Variants in GADL1 observed in about 807,000 individuals in gnomAD.
The protein encoded by GADL1 is GAD like acidic amino acid decarboxylase 1.
GADL1 carries 71 observed loss-of-function variants against 69.5 expected under a neutral mutation model. That is an observed-to-expected ratio of 1.02 (90% CI 0.84 to 1.25). The LOEUF is 1.25. Ranked by LOEUF, GADL1 falls within the 50% of genes most tolerant of loss-of-function variation. The probability of loss-of-function intolerance (pLI) is 0.00; values close to 1 mark genes in which losing one functional copy is unlikely to be tolerated. For synonymous variants in GADL1, 254 were observed against 214.4 expected (o/e 1.18, Z -1.62); for missense variants, 737 against 631.8 (o/e 1.17, Z -1.79).
Position 30,727,297 on chromosome 3 carries a change from C to T in GADL1, c.*945G>A, listed in dbSNP as rs911214034. ...CAAGAAAAAACTAATATGGATATTA[C>T]ATGCATTTCTATTTTGAAGACCAAC... On this transcript the variant is annotated 3_prime_UTR_variant, in exon 15 of 15. Transcript: ENST00000282538. The T allele has an allele frequency of 4.6e-5, 7 of 150,578 alleles. No homozygotes were observed. The highest frequency in any genetic ancestry group is 1.5e-4 in the African/African-American group (6 of 41,114). The allele number at this position is 150,578 out of a possible 1,614,324, so 9.3% of individuals were successfully genotyped here. A position where few individuals can be genotyped will look rare whatever the true frequency, so the allele number is the denominator to read the frequency against.
intron 11 of GADL1, among the ~76,000 whole-genome samples, chr3:30,830,953 T>C (rs1697778835): frequency 6.6e-6 from 1 of 150,924 alleles, no homozygotes; most frequent in Middle Eastern, 3.3e-3. Context: ...TCATCTCCCA[T>C]AATTGATAAT....
chr3:30,788,360 GT>G (rs1166581122), intron 12 of GADL1, among the ~76,000 whole-genome samples: 1 of 152,168 alleles, frequency 6.6e-6, no homozygotes, highest in African/African-American at 2.4e-5. Flanking sequence ...TGTAGTCTGA[GT>G]TTACAATGGC....
chr3:30,747,396 G>A (rs141894471), intron 14 of GADL1, among the ~76,000 whole-genome samples: 2 of 152,128 alleles, frequency 1.3e-5, no homozygotes, highest in Admixed American at 6.6e-5. Flanking sequence ...TGGTGCATTT[G>A]TCTATCTGAA....
intron 1 of GADL1, among the ~76,000 whole-genome samples, chr3:30,866,623 A>AG (rs1191868802): frequency 6.6e-6 from 1 of 152,004 alleles, no homozygotes; most frequent in Admixed American, 6.6e-5. Flanking sequence ...GGGCAGGAAG[A>AG]GAGGACCACA....
At chr3:30,784,546 G>A (rs2125498930) in intron 13 of GADL1, among the ~76,000 whole-genome samples, 1 of 152,286 alleles carries the variant, frequency 6.6e-6, no homozygotes, top group East Asian at 1.9e-4. Context: ...CTAGTCTGAT[G>A]CTTCCTTTGT....
At chr3:30,805,736 T>A (rs1475189249) in intron 11 of GADL1, among the ~76,000 whole-genome samples, 3 of 121,940 alleles carry the variant, frequency 2.5e-5, no homozygotes, top group African/African-American at 9.9e-5. Flanking sequence ...TCCCCAGCCT[T>A]TTTTTTTTTT....
intron 13 of GADL1, among the ~76,000 whole-genome samples, chr3:30,781,681 G>GT (rs1326626558): frequency 6.6e-6 from 1 of 152,156 alleles, no homozygotes; most frequent in African/African-American, 2.4e-5. Flanking sequence ...TTTGGGATGA[G>GT]TATCAAACTT....
intron 14 of GADL1, among the ~76,000 whole-genome samples, chr3:30,759,109 G>C (rs1457400361): frequency 6.6e-6 from 1 of 152,034 alleles, no homozygotes; most frequent in East Asian, 1.9e-4. Flanking sequence ...GAGCTGGTTG[G>C]ATTTAGTGCT....
At chr3:30,782,682 T>C (rs927368966) in intron 13 of GADL1, among the ~76,000 whole-genome samples, 17 of 151,718 alleles carry the variant, frequency 1.1e-4, no homozygotes, top group African/African-American at 4.1e-4. Context: ...AGGGAGACTG[T>C]GGCCAAAGAC....
At chr3:30,748,488 G>A (rs745420456) in intron 14 of GADL1, among the ~76,000 whole-genome samples, 3 of 152,092 alleles carry the variant, frequency 2.0e-5, no homozygotes, top group South Asian at 2.1e-4. Context: ...TCCTTCTGCC[G>A]GAATGTCAGC....
chr3:30,750,089 C>T (rs759845527), intron 14 of GADL1, among the ~76,000 whole-genome samples: 1 of 152,162 alleles, frequency 6.6e-6, no homozygotes, highest in Non-Finnish European at 1.5e-5. Context: ...ACTCCTCCTC[C>T]TCTTTCTCCT....
intron 11 of GADL1, among the ~76,000 whole-genome samples, chr3:30,818,172 TAAG>T (rs1220726678): frequency 6.6e-6 from 1 of 152,152 alleles, no homozygotes. Flanking sequence ...GACCAGAGGC[TAAG>T]AAGACTAGAA....
intron 14 of GADL1, among the ~76,000 whole-genome samples, chr3:30,759,277 T>C (rs1249390463): frequency 2.6e-5 from 4 of 152,192 alleles, no homozygotes; most frequent in African/African-American, 9.7e-5. Flanking sequence ...ATAAATCTTT[T>C]TCTTCCAAAA....
intron 8 of GADL1, among the ~76,000 whole-genome samples, chr3:30,843,417 G>T (rs1210203944): frequency 6.6e-6 from 1 of 151,986 alleles, no homozygotes. Context: ...CACCACGCCC[G>T]GCGAATATTT....
chr3:30,828,349 C>T (rs755261190), intron 11 of GADL1, among the ~76,000 whole-genome samples: 5 of 151,772 alleles, frequency 3.3e-5, no homozygotes, highest in Admixed American at 2.0e-4. Flanking sequence ...GGTGACCACA[C>T]TGGGAAATGA....
intron 14 of GADL1, among the ~76,000 whole-genome samples, chr3:30,746,253 A>G (rs1208778964): frequency 1.3e-5 from 2 of 152,150 alleles, no homozygotes; most frequent in African/African-American, 4.8e-5. Flanking sequence ...ACAGCCTCCC[A>G]AAGTGCTGAA....
At chr3:30,837,715 A>G (rs1175491268) in intron 9 of GADL1, among the ~76,000 whole-genome samples, 1 of 152,098 alleles carries the variant, frequency 6.6e-6, no homozygotes, top group Admixed American at 6.6e-5. Flanking sequence ...CTGCTGATGT[A>G]TTTGATTTTC....
chr3:30,775,259 C>A (rs890695640), intron 14 of GADL1, among the ~76,000 whole-genome samples: 53 of 152,298 alleles, frequency 3.5e-4, no homozygotes, highest in African/African-American at 1.2e-3. Flanking sequence ...GAAGATTTAT[C>A]GCACCAGCGA....
chr3:30,889,084 TAAAAAAAAAAA>T lies in GADL1; in HGVS notation c.37+5483_37+5493del, dbSNP rs60227313. On this transcript the variant is annotated intron_variant, in intron 1 of 14. Transcript: ENST00000282538. ...GAAATACCGAAGACTCGGTAATCTA[TAAAAAAAAAAA>T]AAAAAAAAAAAAAAAAAAAAGAGGA... Among the ~76,000 whole-genome samples the T allele has an allele frequency of 2.6e-3, 87 of 32,922 alleles. No homozygotes were observed. The East Asian group carries it at 0.03, about 11-fold the overall frequency. 21.6% of individuals were successfully genotyped at this position (32,922 alleles called of 152,430 possible). A position where few individuals can be genotyped will look rare whatever the true frequency, so the allele number is the denominator to read the frequency against.
Sources: gnomAD v4.1 joint callset for allele counts (sites outside exome capture counted in the v4.1 genomes callset) on GRCh38, gnomAD v4.1.1 for gene constraint, MANE v1.5 for transcripts, NCBI Gene and HGNC (gene_info 2026-07-23, HGNC 2026-07-21) for gene names.